PM20D2: variants seen among roughly 807,000 people sequenced by gnomAD.
The protein encoded by PM20D2 is peptidase M20 domain containing 2, also known as xaa-Arg dipeptidase.
A neutral mutation model predicts 42.9 loss-of-function variants in PM20D2; 33 were observed. The observed-to-expected ratio is 0.77, with a 90% CI of 0.58 to 1.03. The LOEUF (loss-of-function observed/expected upper bound fraction) is 1.03. Among genes scored for constraint, PM20D2 ranks in the 50% least tolerant of loss-of-function variants. PM20D2 has a pLI of 0.00. For synonymous variants in PM20D2, 250 were observed against 228.2 expected (o/e 1.10, Z -0.86); for missense variants, 548 against 557.0 (o/e 0.98, Z 0.16).
chr6:89,146,711 C>T (rs1047804494), intron 1 of PM20D2, 102 bp downstream of exon 1: 2 of 978,150 alleles, frequency 2.0e-6, no homozygotes, highest in Non-Finnish European at 2.8e-6. Flanking sequence ...CGGTGCCCTC[C>T]CGCCCGGGGC....
chr6:89,130,816 CTTCTTTTT>C, the PM20D2 span, among the ~76,000 whole-genome samples: 2 of 50,954 alleles, frequency 3.9e-5, no homozygotes, highest in South Asian at 7.2e-4. Context: ...CTGGCTTCTT[CTTCTTTTT>C]TTTTTTTTTT....
At chr6:89,158,012 T>C (rs1771108949) in intron 4 of PM20D2, among the ~76,000 whole-genome samples, 1 of 151,996 alleles carries the variant, frequency 6.6e-6, no homozygotes, top group African/African-American at 2.4e-5. Flanking sequence ...ATCTCAAAAA[T>C]AAAATAAAAA....
At chr6:89,100,376 A>G in the PM20D2 span, among the ~76,000 whole-genome samples, 1 of 152,238 alleles carries the variant, frequency 6.6e-6, no homozygotes, top group Non-Finnish European at 1.5e-5. Flanking sequence ...CAAAGCCAAA[A>G]CAAGCAGCTT....
At chr6:89,156,351 C>A (rs1379383278) in intron 4 of PM20D2, among the ~76,000 whole-genome samples, 3 of 152,102 alleles carry the variant, frequency 2.0e-5, no homozygotes, top group Non-Finnish European at 4.4e-5. Flanking sequence ...AATTCTGTAA[C>A]CTTTAGAAAT....
chr6:89,158,271 A>G, intron 4 of PM20D2, 54 bp from the exon 5 acceptor site: 1 of 1,472,606 alleles, frequency 6.8e-7, no homozygotes, highest in Non-Finnish European at 9.2e-7. Flanking sequence ...TTTGAAAATT[A>G]GATAGTGAAT....
the PM20D2 span, among the ~76,000 whole-genome samples, chr6:89,119,691 C>T: frequency 1.3e-5 from 2 of 152,218 alleles, no homozygotes; most frequent in Non-Finnish European, 2.9e-5. Context: ...TGAAGGCACT[C>T]TAGGGGAATC....
the PM20D2 span, chr6:89,117,679 A>G: frequency 1.3e-6 from 1 of 757,830 alleles, no homozygotes; most frequent in South Asian, 2.8e-5. Context: ...GAGGGCTCAC[A>G]CCTCCCCAAG....
the PM20D2 span, among the ~76,000 whole-genome samples, chr6:89,125,475 G>A: frequency 0.025 from 1,929 of 76,054 alleles, 32 homozygotes; most frequent in Non-Finnish European, 0.032. Flanking sequence ...GCGAGACTCC[G>A]TCTCAAAAAA....
intron 2 of PM20D2, among the ~76,000 whole-genome samples, chr6:89,152,787 T>C (rs1415823683): frequency 6.6e-6 from 1 of 152,184 alleles, no homozygotes; most frequent in African/African-American, 2.4e-5. Context: ...TTGCATTAGA[T>C]TGTGTATACA....
the PM20D2 span, chr6:89,107,342 A>G: frequency 2.0e-6 from 2 of 1,016,294 alleles, no homozygotes; most frequent in Admixed American, 2.4e-5. Flanking sequence ...TGAAACCTTC[A>G]AAAGAAAGAA....
the PM20D2 span, chr6:89,117,825 G>T: frequency 6.4e-7 from 1 of 1,557,004 alleles, no homozygotes; most frequent in Non-Finnish European, 8.7e-7. Flanking sequence ...CCGTTCACCT[G>T]GTGGCGTCCG....
chr6:89,129,344 A>C, the PM20D2 span, among the ~76,000 whole-genome samples: 1 of 152,188 alleles, frequency 6.6e-6, no homozygotes, highest in East Asian at 1.9e-4. Flanking sequence ...TGTGTTGAGC[A>C]AAAGAAGCCA....
chr6:89,139,682 C>A, the PM20D2 span, among the ~76,000 whole-genome samples: 2 of 152,014 alleles, frequency 1.3e-5, no homozygotes, highest in African/African-American at 4.8e-5. Context: ...CACTCTGGCC[C>A]GCGTGGCAGA....
intron 1 of PM20D2, among the ~76,000 whole-genome samples, chr6:89,148,298 G>A (rs1770680942): frequency 6.6e-6 from 1 of 152,064 alleles, no homozygotes; most frequent in African/African-American, 2.4e-5. Flanking sequence ...AACTTCAAAT[G>A]GTTGTTCTCA....
At chr6:89,128,787 C>G in the PM20D2 span, among the ~76,000 whole-genome samples, 1 of 152,148 alleles carries the variant, frequency 6.6e-6, no homozygotes, top group Non-Finnish European at 1.5e-5. Context: ...TATTTCTCAG[C>G]CAGCTGACAC....
rs189491289 is a variant in PM20D2, at chr6:89,147,633, G to A, written c.465+1024G>A. Among the ~76,000 whole-genome samples, 23 of 151,974 alleles carry A rather than the reference G, an allele frequency of 1.5e-4. 1 individual carries two copies. The East Asian group carries it at 4.3e-3, about 28-fold the overall frequency. On this transcript the variant is annotated intron_variant, in intron 1 of 6. Transcript: ENST00000275072. ...GACATATCGTATTTAATGAGTTAAGGGTCAAGAATGAAGAGCGGTGGGCAG... is the reference window on the plus strand; with the variant it reads ...GACATATCGTATTTAATGAGTTAAGAGTCAAGAATGAAGAGCGGTGGGCAG...
chr6:89,098,607 G>A, the PM20D2 span: 72 of 1,612,222 alleles, frequency 4.5e-5, no homozygotes, highest in Middle Eastern at 3.3e-4. Context: ...CGATAACTTC[G>A]AGATCTGGAA....
chr6:89,136,460 A>G, the PM20D2 span, among the ~76,000 whole-genome samples: 7 of 150,914 alleles, frequency 4.6e-5, no homozygotes, highest in Non-Finnish European at 7.4e-5. Flanking sequence ...GGCGGATCAC[A>G]AGGTCAGGAG....
the PM20D2 span, among the ~76,000 whole-genome samples, chr6:89,094,231 T>C: frequency 6.7e-6 from 1 of 148,734 alleles, no homozygotes; most frequent in East Asian, 2.0e-4. Context: ...CTTTATTTTT[T>C]TTTATTTTTT....
Sources: gnomAD v4.1 joint callset for allele counts (sites outside exome capture counted in the v4.1 genomes callset) on GRCh38, gnomAD v4.1.1 for gene constraint, MANE v1.5 for transcripts, NCBI Gene and HGNC (gene_info 2026-07-23, HGNC 2026-07-21) for gene names.